Variants in PLD5 observed in about 807,000 individuals in gnomAD.
The protein encoded by PLD5 is phospholipase D family member 5.
PLD5 carries 36 observed loss-of-function variants against 61.1 expected under a neutral mutation model. The ratio of observed to expected loss-of-function variants is 0.59; its 90% confidence interval spans 0.45 to 0.78. PLD5 has a LOEUF of 0.78. PLD5 is among the 30% of genes least tolerant of loss of function. PLD5 has a pLI of 0.00. For synonymous variants in PLD5, 243 were observed against 242.8 expected (o/e 1.00, Z -0.01); for missense variants, 515 against 644.4 (o/e 0.80, Z 2.17).
At chr1:242,186,269 A>C (rs1049653494) in intron 5 of PLD5, among the ~76,000 whole-genome samples, 3 of 151,338 alleles carry the variant, frequency 2.0e-5, no homozygotes, top group Non-Finnish European at 4.4e-5. Context: ...TGCAACCTCC[A>C]CCTCCCGGGT....
chr1:242,385,074 T>C (rs936949762), intron 1 of PLD5, among the ~76,000 whole-genome samples: 1 of 152,130 alleles, frequency 6.6e-6, no homozygotes, highest in African/African-American at 2.4e-5. Flanking sequence ...CAGTTTAAAA[T>C]CACCAACCAA....
intron 1 of PLD5, chr1:242,377,060 GGA>G (rs1558509163): frequency 6.2e-7 from 1 of 1,611,608 alleles, no homozygotes; most frequent in Non-Finnish European, 8.5e-7. Context: ...TGCCATCAGG[GGA>G]GTCATCCTCG....
chr1:242,443,839 T>A (rs1040089273), intron 1 of PLD5, among the ~76,000 whole-genome samples: 1 of 152,202 alleles, frequency 6.6e-6, no homozygotes, highest in Non-Finnish European at 1.5e-5. Context: ...TTCTAGGCAA[T>A]GCAGCTAATT....
intron 1 of PLD5, among the ~76,000 whole-genome samples, chr1:242,466,909 G>A (rs963118600): frequency 2.0e-5 from 3 of 148,152 alleles, no homozygotes; most frequent in African/African-American, 7.6e-5. Flanking sequence ...AAAAAAAAGT[G>A]GAACTTATAG....
At chr1:242,194,614 C>CTATG (rs59115471) in intron 5 of PLD5, among the ~76,000 whole-genome samples, 1 of 62,604 alleles carries the variant, frequency 1.6e-5, no homozygotes, top group Admixed American at 1.9e-4. Flanking sequence ...ATGTATCTAT[C>CTATG]TATGTATCTA....
At position 242,092,548 on chromosome 1, in the gene PLD5, T is replaced by C. The variant is rs370021801; in HGVS notation, c.1355-2438A>G. ...CTGATCTAAGCTCCCAGTTTTGTTA[T>C]CTTCTTTGGGTAAGAGCTGATTCCA... is the stretch of plus-strand genomic sequence containing the variant. On this transcript the variant is annotated intron_variant, in intron 9 of 9. Transcript: ENST00000536534. Among the ~76,000 whole-genome samples, 16 of 152,310 alleles carry C rather than the reference T, an allele frequency of 1.1e-4. No homozygotes were observed. The East Asian group carries it at 2.9e-3, about 28-fold the overall frequency.
At chr1:242,162,951 C>A (rs1401744965) in intron 5 of PLD5, among the ~76,000 whole-genome samples, 2 of 152,074 alleles carry the variant, frequency 1.3e-5, no homozygotes, top group Non-Finnish European at 2.9e-5. Flanking sequence ...CAATACCATT[C>A]TTCACAAAAA....
chr1:242,508,651 G>A (rs116389920), intron 1 of PLD5, among the ~76,000 whole-genome samples: 2,021 of 152,134 alleles, frequency 0.013, 29 homozygotes, highest in South Asian at 0.044. Context: ...ATTTTGCCTG[G>A]ACATATCAAC....
chr1:242,423,493 C>T (rs1558554009), intron 1 of PLD5, among the ~76,000 whole-genome samples: 2 of 152,052 alleles, frequency 1.3e-5, no homozygotes, highest in South Asian at 2.1e-4. Flanking sequence ...GGTAACCCTG[C>T]GTAAATCATT....
intron 9 of PLD5, among the ~76,000 whole-genome samples, chr1:242,094,771 G>A (rs1010439220): frequency 6.6e-6 from 1 of 152,078 alleles, no homozygotes; most frequent in South Asian, 2.1e-4. Flanking sequence ...TCTTGTTTAA[G>A]CCTCATAGCA....
At chr1:242,215,496 T>C (rs1358815858) in intron 5 of PLD5, among the ~76,000 whole-genome samples, 1 of 152,216 alleles carries the variant, frequency 6.6e-6, no homozygotes, top group Non-Finnish European at 1.5e-5. Context: ...GCTGTAGATA[T>C]GCACTTTGCT....
chr1:242,185,769 T>G (rs1015281920), intron 5 of PLD5, among the ~76,000 whole-genome samples: 1 of 151,362 alleles, frequency 6.6e-6, no homozygotes, highest in South Asian at 2.1e-4. Context: ...CTCTCTGCTA[T>G]TTTTTTTTAA....
At chr1:242,252,816 C>CTTT (rs71176729) in intron 4 of PLD5, among the ~76,000 whole-genome samples, 2 of 120,676 alleles carry the variant, frequency 1.7e-5, no homozygotes, top group African/African-American at 3.1e-5. Context: ...TCTTCAGTGC[C>CTTT]TTTTTTTTTT....
intron 1 of PLD5, among the ~76,000 whole-genome samples, chr1:242,401,519 C>A (rs1663933914): frequency 6.6e-6 from 1 of 152,202 alleles, no homozygotes; most frequent in Non-Finnish European, 1.5e-5. Context: ...TGCTGACTCT[C>A]CAAGCCCACA....
intron 9 of PLD5, among the ~76,000 whole-genome samples, chr1:242,096,926 T>A (rs1399825474): frequency 2.6e-5 from 3 of 115,542 alleles, no homozygotes; most frequent in African/African-American, 9.8e-5. Context: ...CAGCCCCCGG[T>A]GTGTGATGTT....
At chr1:242,476,884 G>A (rs943718678) in intron 1 of PLD5, among the ~76,000 whole-genome samples, 1 of 152,172 alleles carries the variant, frequency 6.6e-6, no homozygotes, top group Non-Finnish European at 1.5e-5. Flanking sequence ...TTGGCGTGGT[G>A]TGTGTGGGAA....
chr1:242,355,215 G>A (rs1414682290), intron 1 of PLD5, among the ~76,000 whole-genome samples: 1 of 152,170 alleles, frequency 6.6e-6, no homozygotes, highest in African/African-American at 2.4e-5. Flanking sequence ...TTCTTTAAAT[G>A]TTTGGCAGCA....
At chr1:242,168,758 T>C (rs1428749217) in intron 5 of PLD5, among the ~76,000 whole-genome samples, 2 of 151,768 alleles carry the variant, frequency 1.3e-5, no homozygotes, top group Non-Finnish European at 2.9e-5. Context: ...CGTTTTAAAA[T>C]AGTAAAATAG....
At chr1:242,411,600 T>C (rs889792485) in intron 1 of PLD5, among the ~76,000 whole-genome samples, 8 of 152,240 alleles carry the variant, frequency 5.3e-5, no homozygotes, top group African/African-American at 1.7e-4. Flanking sequence ...ATATGGGGCA[T>C]AAATTCTGTA....
Sources: gnomAD v4.1 joint callset for allele counts (sites outside exome capture counted in the v4.1 genomes callset) on GRCh38, gnomAD v4.1.1 for gene constraint, MANE v1.5 for transcripts, NCBI Gene and HGNC (gene_info 2026-07-23, HGNC 2026-07-21) for gene names.